Variants in ENTR1 observed in about 807,000 individuals in gnomAD.
The protein encoded by ENTR1 is endosome-associated-trafficking regulator 1.
A neutral mutation model predicts 47.9 loss-of-function variants in ENTR1; 47 were observed. The ratio of observed to expected loss-of-function variants is 0.98; its 90% CI spans 0.78 to 1.25. The LOEUF (loss-of-function observed/expected upper bound fraction) is 1.25, where lower values mean the gene tolerates loss of function less well. ENTR1 is among the 50% of genes most tolerant of loss of function. The pLI is 0.00. For synonymous variants in ENTR1, 290 were observed against 245.8 expected (o/e 1.18, Z -1.68); for missense variants, 668 against 570.5 (o/e 1.17, Z -1.74).
At chr9:136,403,921 C>T (rs1392907914) in intron 9 of ENTR1, 134 bp downstream of exon 9, 15 of 1,052,468 alleles carry the variant, frequency 1.4e-5, no homozygotes, top group Middle Eastern at 3.2e-4. Flanking sequence ...CCACTGAGCA[C>T]GCGTCCCTCC....
At chr9:136,406,950 C>T (rs923191916) in intron 5 of ENTR1, 195 bp downstream of exon 5, 30 of 584,148 alleles carry the variant, frequency 5.1e-5, no homozygotes, top group East Asian at 8.6e-5. Context: ...GCTCACCAGT[C>T]CTCTTTAGCC....
At position 136,407,142 on chromosome 9, in the gene ENTR1, T is replaced by G; in HGVS notation, c.819+3A>C. 6.3e-7 allele frequency: 1 copy of G among 1,586,040 alleles called. No individual in the cohort carries two copies. The highest frequency in any genetic ancestry group is 8.6e-7 in the Non-Finnish European group (1 of 1,161,710). On this transcript the variant is annotated splice_donor_region_variant and intron_variant, in intron 5 of 9. Coordinates refer to ENST00000357365, the MANE Select transcript of ENTR1 (RefSeq NM_001039707.2). Reference sequence around the variant, plus strand: ...GCCAGAGGGCGCCGTGAGGCTCACTTACTGCGTCGTAACTTATCTGCAGCG... The same window carrying G: ...GCCAGAGGGCGCCGTGAGGCTCACTGACTGCGTCGTAACTTATCTGCAGCG...
Position 136,402,804 on chromosome 9 carries a change from TC to T in ENTR1, c.1291del (p.Glu431ArgfsTer14). ...CAGGGGTCCTCAAGAGTCTTCCTCCTCGTCTTTAACTTCAGAAATTCTGTCT... is the reference window on the plus strand; with the variant it reads ...CAGGGGTCCTCAAGAGTCTTCCTCCTGTCTTTAACTTCAGAAATTCTGTCT... ...SIDRISEVKD[E>X]EEDS is the part of the protein sequence containing the mutation. On this transcript the variant is annotated frameshift_variant, in exon 10 of 10. Coordinates refer to ENST00000357365, the MANE Select transcript of ENTR1 (RefSeq NM_001039707.2). LOFTEE classifies it high-confidence loss of function. 1.2e-6 allele frequency: 2 copies of T among 1,612,854 alleles called. No individual in the cohort carries two copies. The highest frequency in any genetic ancestry group is 1.7e-6 in the Non-Finnish European group (2 of 1,179,616).
chr9:136,407,525 A>G lies in ENTR1; in HGVS notation c.439T>C (p.Ser147Pro), dbSNP rs770948158. ...SRHSLGLDHN[S>P]PPSQTGGYGL... Reference sequence around the variant, plus strand: ...TACCCGCCGGTTTGGGAGGGTGGGGAGTTGTGGTCAAGTCCCAGGGAATGC... The same window carrying G: ...TACCCGCCGGTTTGGGAGGGTGGGGGGTTGTGGTCAAGTCCCAGGGAATGC... Residue 147 changes from serine (S) to proline (P), a missense_variant, in exon 5 of 10, where the codon TCC becomes CCC. Ser to Pro is a moderately conservative substitution (Grantham distance 74, BLOSUM62 -1). Coordinates refer to ENST00000357365, the MANE Select transcript of ENTR1 (RefSeq NM_001039707.2). 5.2e-5 allele frequency: 75 copies of G among 1,433,504 alleles called. No individual in the cohort carries two copies. Among genetic ancestry groups the G allele is most frequent in the Non-Finnish European group, 6.6e-5 (68 of 1,037,876 alleles). 88.8% of individuals were successfully genotyped at this position (1,433,504 alleles called of 1,614,324 possible).
chr9:136,409,942 G>C (rs752436680), intron 2 of ENTR1, 148 bp downstream of exon 2: 1 of 951,202 alleles, frequency 1.1e-6, no homozygotes, highest in African/African-American at 1.6e-5. Context: ...TCCTAGCAGG[G>C]GACTCCGCCT....
Position 136,404,081 on chromosome 9 carries a change from G to C in ENTR1, c.1182C>G (p.Val394=), listed in dbSNP as rs760734463. Residue 394 remains valine, a synonymous_variant, in exon 9 of 10, where the codon GTC becomes GTG. Transcript: ENST00000357365. Reference sequence around the variant, plus strand: ...TGATGGAAGCCTGTGCACTGTTCATGACCACCCGGAGGTTCTGCAGGGCCA... The same window carrying C: ...TGATGGAAGCCTGTGCACTGTTCATCACCACCCGGAGGTTCTGCAGGGCCA... ...ADVALQNLRV[V]MNSAQASIKQ... 1.9e-6 allele frequency: 3 copies of C among 1,612,718 alleles called. No individual in the cohort carries two copies. Among genetic ancestry groups the C allele is most frequent in the Non-Finnish European group, 2.5e-6 (3 of 1,179,684 alleles).
At position 136,410,259 on chromosome 9, in the gene ENTR1, C is replaced by A. The variant is rs1268281350; in HGVS notation, c.71-20G>T. 2.6e-6 allele frequency: 4 copies of A among 1,560,862 alleles called. No homozygotes were observed. Among genetic ancestry groups the A allele is most frequent in the Non-Finnish European group, 3.5e-6 (4 of 1,153,306 alleles). On this transcript the variant is annotated intron_variant, in intron 1 of 9. Coordinates refer to ENST00000357365, the MANE Select transcript of ENTR1 (RefSeq NM_001039707.2). Reference sequence around the variant, plus strand: ...CTGGAGCTGGAAGCAACGACAACAGCGACTTTACTGCGTGCCGGGGCGGCC... The same window carrying A: ...CTGGAGCTGGAAGCAACGACAACAGAGACTTTACTGCGTGCCGGGGCGGCC...
chr9:136,410,586 G>C lies in ENTR1; in HGVS notation c.-189C>G, dbSNP rs932973557. On this transcript the variant is annotated 5_prime_UTR_variant, in exon 1 of 10. Coordinates refer to ENST00000357365, the MANE Select transcript of ENTR1 (RefSeq NM_001039707.2). ...CTCCGAGCACCGAAAGCGCGTGCCT[G>C]AACGCCTTGGGCCGTCGGCGAGGGG... 15 of 1,218,004 alleles carry C rather than the reference G, an allele frequency of 1.2e-5. No homozygotes were observed. Among genetic ancestry groups the C allele is most frequent in the African/African-American group, 1.5e-5 (1 of 65,134 alleles). 75.4% of individuals were successfully genotyped at this position (1,218,004 alleles called of 1,614,324 possible). A position where few individuals can be genotyped will look rare whatever the true frequency, so the allele number is the denominator to read the frequency against.
At chr9:136,406,562 C>T (rs772576168) in intron 5 of ENTR1, among the ~76,000 whole-genome samples, 4 of 152,118 alleles carry the variant, frequency 2.6e-5, no homozygotes, top group African/African-American at 7.2e-5. Context: ...CCGCAACCTC[C>T]GCCTCCCGGG....
At chr9:136,406,600 C>G (rs538905598) in intron 5 of ENTR1, among the ~76,000 whole-genome samples, 374 of 152,076 alleles carry the variant, frequency 2.5e-3, no homozygotes, top group African/African-American at 8.6e-3. Context: ...CCTCAGCCTC[C>G]CAAGTAGCTG....
chr9:136,407,879 T>C lies in ENTR1; in HGVS notation c.349A>G (p.Thr117Ala), dbSNP rs370534372. Residue 117 changes from threonine to alanine, a missense_variant, in exon 4 of 10, where the codon ACC (threonine) becomes GCC (alanine). Coordinates refer to ENST00000357365, the MANE Select transcript of ENTR1 (RefSeq NM_001039707.2). ...TCTTTCGAGAGGCCGAGGTTCTTGG[T>C]CTTCAGAAACTCTCTAAAAGAGAAT... Reference protein sequence around the residue: ...NPFSFREFLKTKNLGLSKEDP... With the variant: ...NPFSFREFLKAKNLGLSKEDP... 9.9e-6 allele frequency: 16 copies of C among 1,613,686 alleles called. No homozygotes were observed. The highest frequency in any genetic ancestry group is 1.4e-5 in the Non-Finnish European group (16 of 1,179,636).
At chr9:136,408,048 C>A (rs962080588) in intron 3 of ENTR1, 110 bp from the exon 4 acceptor site, 11 of 688,358 alleles carry the variant, frequency 1.6e-5, no homozygotes, top group Admixed American at 6.7e-5. Context: ...ATCGGGCAGC[C>A]ACGCTTGTCA....
chr9:136,405,645 G>A (rs945795640), intron 6 of ENTR1, among the ~76,000 whole-genome samples: 1 of 152,228 alleles, frequency 6.6e-6, no homozygotes, highest in Non-Finnish European at 1.5e-5. Flanking sequence ...AGGAGGCTGA[G>A]ATGGGAGGAT....
chr9:136,403,945 G>A (rs1323048552), intron 9 of ENTR1, 110 bp downstream of exon 9: 3 of 1,317,472 alleles, frequency 2.3e-6, no homozygotes, highest in Non-Finnish European at 3.1e-6. Flanking sequence ...CAGCTCCCTG[G>A]TCCTCCAGCC....
intron 8 of ENTR1, 73 bp downstream of exon 8, chr9:136,404,558 C>T (rs985887283): frequency 1.5e-5 from 23 of 1,510,390 alleles, no homozygotes; most frequent in East Asian, 2.3e-5. Context: ...GAGTCTTTCG[C>T]CTCTTTCTTA....
At chr9:136,410,068 G>A (rs774186612) in intron 2 of ENTR1, 22 bp downstream of exon 2, 17 of 1,612,514 alleles carry the variant, frequency 1.1e-5, no homozygotes, top group Non-Finnish European at 1.3e-5. Flanking sequence ...GCGTCCCCGG[G>A]GCCGGCGCCC....
chr9:136,409,230 G>C (rs1425443962), intron 2 of ENTR1, among the ~76,000 whole-genome samples, 163 bp from the exon 3 acceptor site: 1 of 151,476 alleles, frequency 6.6e-6, no homozygotes, highest in Non-Finnish European at 1.5e-5. Flanking sequence ...GCCCAAGCTG[G>C]AGTGCAGTGG....
intron 2 of ENTR1, 130 bp downstream of exon 2, chr9:136,409,960 C>T (rs781770179): frequency 2.3e-5 from 27 of 1,156,770 alleles, no homozygotes; most frequent in Non-Finnish European, 3.5e-5. Flanking sequence ...CCTTTGAATT[C>T]CGAGTGCCTG....
chr9:136,409,036 C>CT lies in ENTR1; in HGVS notation c.251dup (p.Gln85AlafsTer14). On this transcript the variant is annotated frameshift_variant, in exon 3 of 10. Coordinates refer to ENST00000357365, the MANE Select transcript of ENTR1 (RefSeq NM_001039707.2). LOFTEE classifies it high-confidence loss of function. ...TCCCGTGGGCTCCTGACGGGCTCTGCTTAGAACATTTCCCCTTTCCATAGC... is the reference window on the plus strand; with the variant it reads ...TCCCGTGGGCTCCTGACGGGCTCTGCTTTAGAACATTTCCCCTTTCCATAGC... The CT allele has an allele frequency of 6.2e-7, 1 of 1,613,982 alleles. No individual in the cohort carries two copies. Among genetic ancestry groups the CT allele is most frequent in the Non-Finnish European group, 8.5e-7 (1 of 1,179,994 alleles).
Sources: gnomAD v4.1 joint callset for allele counts (sites outside exome capture counted in the v4.1 genomes callset) on GRCh38, gnomAD v4.1.1 for gene constraint, MANE v1.5 for transcripts, NCBI Gene and HGNC (gene_info 2026-07-23, HGNC 2026-07-21) for gene names.